Variants in KSR2 observed in about 807,000 individuals in gnomAD.
KSR2 encodes the protein kinase suppressor of ras 2.
Under a neutral mutation model 107.8 loss-of-function variants are expected in KSR2, and 25 were observed. That is an observed-to-expected ratio of 0.23 (90% confidence interval 0.17 to 0.32). The LOEUF (loss-of-function observed/expected upper bound fraction) is 0.32. KSR2 is among the 10% of genes least tolerant of loss of function. The probability of loss-of-function intolerance (pLI) is 1.00; values close to 1 mark genes in which losing one functional copy is unlikely to be tolerated. For missense variants in KSR2, 887 were observed against 1,268.9 expected (o/e 0.70, Z 4.57); for synonymous variants, 480 against 507.0 (o/e 0.95, Z 0.71).
chr12:117,538,623 T>C (rs1457168756), intron 10 of KSR2, among the ~76,000 whole-genome samples: 1 of 152,178 alleles, frequency 6.6e-6, no homozygotes, highest in Non-Finnish European at 1.5e-5. Flanking sequence ...CTTTCAGTGA[T>C]GATGGAAATG....
chr12:117,717,666 GGTGT>G (rs55910019), intron 4 of KSR2, among the ~76,000 whole-genome samples: 8,830 of 144,238 alleles, frequency 0.061, 354 homozygotes, highest in East Asian at 0.21. Context: ...GGGGCAGACA[GGTGT>G]GTGTGTGTGT....
At chr12:117,777,380 G>T (rs942637304) in intron 3 of KSR2, among the ~76,000 whole-genome samples, 12 of 152,024 alleles carry the variant, frequency 7.9e-5, no homozygotes, top group East Asian at 1.9e-4. Flanking sequence ...CCCACACAAA[G>T]TACAAACAAA....
intron 1 of KSR2, among the ~76,000 whole-genome samples, chr12:117,931,429 T>G (rs1434182020): frequency 2.6e-5 from 4 of 152,152 alleles, no homozygotes; most frequent in Non-Finnish European, 4.4e-5. Flanking sequence ...CGGATTCAGG[T>G]CACACTCCTG....
At chr12:117,472,813 G>GT (rs1871551375) in intron 17 of KSR2, among the ~76,000 whole-genome samples, 1 of 152,174 alleles carries the variant, frequency 6.6e-6, no homozygotes, top group Non-Finnish European at 1.5e-5. Context: ...ACTATTCTAA[G>GT]TTTTTTTGTG....
chr12:117,692,671 AATAG>A (rs1445107561), intron 4 of KSR2, among the ~76,000 whole-genome samples: 1 of 152,004 alleles, frequency 6.6e-6, no homozygotes, highest in African/African-American at 2.4e-5. Flanking sequence ...TCAACAGATG[AATAG>A]ATAAACAAAT....
At chr12:117,583,846 C>A (rs905830286) in intron 5 of KSR2, among the ~76,000 whole-genome samples, 2 of 152,196 alleles carry the variant, frequency 1.3e-5, no homozygotes, top group African/African-American at 4.8e-5. Context: ...GTTCTCATTT[C>A]TCAGGCCAGA....
At chr12:117,593,043 A>C (rs1880417896) in intron 5 of KSR2, among the ~76,000 whole-genome samples, 1 of 152,098 alleles carries the variant, frequency 6.6e-6, no homozygotes, top group African/African-American at 2.4e-5. Flanking sequence ...AGAGGAGGGG[A>C]ACATGGTCTG....
intron 3 of KSR2, among the ~76,000 whole-genome samples, chr12:117,790,313 G>GA (rs147186454): frequency 0.02 from 3,082 of 152,286 alleles, 125 homozygotes; most frequent in African/African-American, 0.07. Flanking sequence ...GAGGTACATT[G>GA]GCTCAGTCCA....
intron 4 of KSR2, among the ~76,000 whole-genome samples, chr12:117,701,419 G>A (rs1269833863): frequency 5.9e-5 from 9 of 152,124 alleles, no homozygotes; most frequent in Non-Finnish European, 1.2e-4. Context: ...TCATAAATCT[G>A]GTCATGCCAA....
At chr12:117,615,685 T>G (rs972967822) in intron 5 of KSR2, among the ~76,000 whole-genome samples, 1 of 152,156 alleles carries the variant, frequency 6.6e-6, no homozygotes, top group African/African-American at 2.4e-5. Flanking sequence ...AAGTGGATCC[T>G]TTCGGCCTCG....
intron 5 of KSR2, among the ~76,000 whole-genome samples, chr12:117,651,378 C>T (rs11068600): frequency 0.12 from 18,285 of 152,072 alleles, 1,408 homozygotes; most frequent in African/African-American, 0.21. Flanking sequence ...GAGTGTGACC[C>T]ATGAGGAGGT....
In KSR2 at chr12:117,842,065, C is replaced by T. The variant is rs1320587648; in HGVS notation, c.472+13363G>A. Among the ~76,000 whole-genome samples, 1 of 152,232 alleles carries T rather than the reference C, an allele frequency of 6.6e-6. No homozygotes were observed. Among genetic ancestry groups the T allele is most frequent in the Non-Finnish European group, 1.5e-5 (1 of 68,052 alleles). On this transcript the variant is annotated intron_variant, in intron 3 of 19. Transcript: ENST00000339824. The surrounding 1 kb of genome is among the most constrained non-coding windows in gnomAD (Gnocchi z 4.2). ...AAGCGTGTTCCCCAAACCAGCAGCA[C>T]CAGCGTCGCCTGGGAACTTGTTAAT...
intron 4 of KSR2, among the ~76,000 whole-genome samples, chr12:117,758,162 A>C (rs1888863057): frequency 1.3e-5 from 2 of 152,190 alleles, no homozygotes; most frequent in South Asian, 2.1e-4. Context: ...GTTAAATCCA[A>C]GGTCAAAAGG....
intron 5 of KSR2, among the ~76,000 whole-genome samples, chr12:117,586,248 G>A (rs992343146): frequency 3.3e-5 from 5 of 151,864 alleles, no homozygotes; most frequent in Admixed American, 2.0e-4. Flanking sequence ...AATGGGTGAC[G>A]ATAAAGGAAA....
At chr12:117,717,666 GGTGTGTGTGTGTGTGTGTGTGTGTGT>G (rs55910019) in intron 4 of KSR2, among the ~76,000 whole-genome samples, 2,857 of 144,480 alleles carry the variant, frequency 0.02, 39 homozygotes, top group Non-Finnish European at 0.026. Context: ...GGGGCAGACA[GGTGTGTGTGTGTGTGTGTGTGTGTGT>G]GTGTGTGTGT....
chr12:117,855,914 T>C (rs540817570), intron 2 of KSR2, among the ~76,000 whole-genome samples: 1 of 152,216 alleles, frequency 6.6e-6, no homozygotes, highest in Non-Finnish European at 1.5e-5. Context: ...AGGGCCCCAT[T>C]TTTTCATGTT....
At chr12:117,959,857 G>A (rs1896610595) in intron 1 of KSR2, among the ~76,000 whole-genome samples, 1 of 151,890 alleles carries the variant, frequency 6.6e-6, no homozygotes. Flanking sequence ...ACTGAGCCTG[G>A]GAGGTCGAGG....
intron 5 of KSR2, among the ~76,000 whole-genome samples, chr12:117,644,820 C>T (rs1593086086): frequency 6.6e-6 from 1 of 152,296 alleles, no homozygotes; most frequent in Non-Finnish European, 1.5e-5. Flanking sequence ...GGGGGACAAA[C>T]AAACGAGAGC....
At chr12:117,686,070 A>G (rs1192422599) in intron 4 of KSR2, among the ~76,000 whole-genome samples, 1 of 151,592 alleles carries the variant, frequency 6.6e-6, no homozygotes. Flanking sequence ...TTTTTTTGAA[A>G]CAGGGTCTTG....
Sources: gnomAD v4.1 joint callset for allele counts (sites outside exome capture counted in the v4.1 genomes callset) on GRCh38, gnomAD v4.1.1 for gene constraint, Gnocchi (gnomAD v3.1) non-coding constraint, MANE v1.5 for transcripts, NCBI Gene and HGNC (gene_info 2026-07-23, HGNC 2026-07-21) for gene names.